The following ATP8A2 variants were observed in gnomAD, a reference collection of about 807,000 sequenced individuals.
ATP8A2 encodes the protein ATPase phospholipid transporting 8A2.
A neutral mutation model predicts 165.6 loss-of-function variants in ATP8A2; 100 were observed. The ratio of observed to expected loss-of-function variants is 0.60; its 90% CI spans 0.51 to 0.71. The LOEUF is 0.71. Among genes scored for constraint, ATP8A2 ranks in the 30% least tolerant of loss-of-function variants. The pLI is 0.00. For missense variants in ATP8A2, 1,227 were observed against 1,479.5 expected, an observed-to-expected ratio of 0.83 and a Z score of 2.80; for synonymous variants, 543 against 548.8, an observed-to-expected ratio of 0.99 and a Z score of 0.15.
At chr13:25,569,366 G>A (rs1302632611) in intron 16 of ATP8A2, among the ~76,000 whole-genome samples, 1 of 152,058 alleles carries the variant, frequency 6.6e-6, no homozygotes, top group African/African-American at 2.4e-5. Flanking sequence ...AGACAGAGAA[G>A]AAACTAAAAA....
intron 33 of ATP8A2, among the ~76,000 whole-genome samples, chr13:25,952,805 T>C (rs770811774): frequency 2.0e-5 from 3 of 152,272 alleles, no homozygotes; most frequent in East Asian, 1.9e-4. Context: ...GGAGCACAGC[T>C]CTTTATTGTG....
Position 25,529,997 on chromosome 13 carries a change from A to G in ATP8A2, c.222-2A>G. On this transcript the variant is annotated splice_acceptor_variant, in intron 2 of 36. Transcript: ENST00000381655. LOFTEE classifies it high-confidence loss of function. ...TAGTATTATTTTTCTTTGCACTTAC[A>G]GTACGGCCAAGTACAGCGTGTTGAC... The G allele has an allele frequency of 1.3e-6, 2 of 1,590,274 alleles. No homozygotes were observed. The highest frequency in any genetic ancestry group is 1.7e-6 in the Non-Finnish European group (2 of 1,160,502).
At chr13:25,890,985 A>T (rs117805473) in intron 33 of ATP8A2, among the ~76,000 whole-genome samples, 2 of 152,212 alleles carry the variant, frequency 1.3e-5, no homozygotes, top group Non-Finnish European at 2.9e-5. Flanking sequence ...AAGGGTACTC[A>T]TGTTGTGCAG....
At chr13:25,499,232 C>G (rs1370670926) in intron 2 of ATP8A2, among the ~76,000 whole-genome samples, 1 of 152,112 alleles carries the variant, frequency 6.6e-6, no homozygotes, top group Non-Finnish European at 1.5e-5. Flanking sequence ...GAAGACTTGG[C>G]AAAGGTGAAT....
At chr13:25,941,893 G>C (rs893172522) in intron 33 of ATP8A2, among the ~76,000 whole-genome samples, 4 of 152,146 alleles carry the variant, frequency 2.6e-5, no homozygotes, top group African/African-American at 9.7e-5. Context: ...CACATTATAT[G>C]AGTCTCCTTC....
In ATP8A2 at chr13:25,558,961, T is replaced by G. The variant is rs1424262805; in HGVS notation, c.1264-12T>G. 5 of 1,558,360 alleles carry G rather than the reference T, an allele frequency of 3.2e-6. No individual in the cohort carries two copies. The highest frequency in any genetic ancestry group is 4.4e-6 in the Non-Finnish European group (5 of 1,137,178). Reference sequence around the variant, plus strand: ...ACTTCCTGATGTATATTTCTTTTATTCTTTGGTTTAGGTGAAATATCTCTT... The same window carrying G: ...ACTTCCTGATGTATATTTCTTTTATGCTTTGGTTTAGGTGAAATATCTCTT... On this transcript the variant is annotated splice_polypyrimidine_tract_variant and intron_variant, in intron 13 of 36. Transcript: ENST00000381655.
At chr13:25,428,249 G>A (rs1233852741) in intron 1 of ATP8A2, among the ~76,000 whole-genome samples, 1 of 152,074 alleles carries the variant, frequency 6.6e-6, no homozygotes, top group Non-Finnish European at 1.5e-5. Flanking sequence ...CATTTATCTG[G>A]TCCTGTGACA....
intron 33 of ATP8A2, among the ~76,000 whole-genome samples, chr13:25,877,313 C>T (rs1952843244): frequency 6.6e-6 from 1 of 152,164 alleles, no homozygotes; most frequent in Admixed American, 6.5e-5. Flanking sequence ...CAGAAAGTTA[C>T]AGTTTGGGTC....
intron 2 of ATP8A2, among the ~76,000 whole-genome samples, chr13:25,489,309 C>T (rs578130429): frequency 5.3e-5 from 8 of 152,264 alleles, no homozygotes; most frequent in African/African-American, 1.4e-4. Flanking sequence ...CGGCACTTTC[C>T]CTGGAACACT....
At chr13:25,807,103 T>G (rs1950757229) in intron 27 of ATP8A2, among the ~76,000 whole-genome samples, 1 of 151,716 alleles carries the variant, frequency 6.6e-6, no homozygotes, top group South Asian at 2.1e-4. Context: ...ATATATTATT[T>G]GTAAATATTT....
intron 1 of ATP8A2, among the ~76,000 whole-genome samples, chr13:25,465,164 A>G (rs919721366): frequency 6.6e-6 from 1 of 152,198 alleles, no homozygotes; most frequent in Non-Finnish European, 1.5e-5. Context: ...GAATTATCTC[A>G]TGAAACCTTA....
intron 33 of ATP8A2, among the ~76,000 whole-genome samples, chr13:25,908,276 C>G (rs1458297301): frequency 6.6e-6 from 1 of 152,156 alleles, no homozygotes; most frequent in Non-Finnish European, 1.5e-5. Context: ...GTGTGCAGCT[C>G]TAGTCCGAGC....
intron 25 of ATP8A2, among the ~76,000 whole-genome samples, chr13:25,733,242 A>AT (rs551113959): frequency 4.3e-4 from 65 of 152,262 alleles, no homozygotes; most frequent in African/African-American, 1.6e-3. Flanking sequence ...ACCTAGCCAG[A>AT]TTTTTTTGAG....
intron 24 of ATP8A2, chr13:25,648,879 G>T (rs2041743934): frequency 2.6e-6 from 1 of 392,018 alleles, no homozygotes; most frequent in Non-Finnish European, 5.0e-6. Context: ...ATCTGCTGTT[G>T]GTTGAATCCA....
chr13:25,802,456 T>G (rs1950641239), intron 27 of ATP8A2, among the ~76,000 whole-genome samples: 1 of 152,176 alleles, frequency 6.6e-6, no homozygotes, highest in African/African-American at 2.4e-5. Flanking sequence ...ATATTTTAAT[T>G]AGGAAATACA....
chr13:25,908,419 TCATCTTTGCAA>T (rs1284791470), intron 33 of ATP8A2, among the ~76,000 whole-genome samples: 1 of 152,250 alleles, frequency 6.6e-6, no homozygotes, highest in Non-Finnish European at 1.5e-5. Context: ...TTGGATACTT[TCATCTTTGCAA>T]CGTCTTGTCT....
chr13:25,659,302 C>G (rs1050190859), intron 24 of ATP8A2, among the ~76,000 whole-genome samples: 1 of 152,196 alleles, frequency 6.6e-6, no homozygotes, highest in African/African-American at 2.4e-5. Context: ...CTGTCCAAGT[C>G]TGGAACTTTA....
chr13:25,772,151 G>C (rs1347521283), intron 26 of ATP8A2, among the ~76,000 whole-genome samples: 2 of 152,130 alleles, frequency 1.3e-5, no homozygotes, highest in Non-Finnish European at 2.9e-5. Flanking sequence ...GAGCAACCTT[G>C]CTGCCGTCGC....
chr13:25,848,548 T>G (rs1256949978), intron 30 of ATP8A2, among the ~76,000 whole-genome samples: 1 of 152,232 alleles, frequency 6.6e-6, no homozygotes, highest in Non-Finnish European at 1.5e-5. Flanking sequence ...TTTTTCAGAT[T>G]TATTTTTAGT....
Sources: gnomAD v4.1 joint callset for allele counts (sites outside exome capture counted in the v4.1 genomes callset) on GRCh38, gnomAD v4.1.1 for gene constraint, MANE v1.5 for transcripts, NCBI Gene and HGNC (gene_info 2026-07-23, HGNC 2026-07-21) for gene names.